The following PCCA variants were observed in gnomAD, a reference collection of about 807,000 sequenced individuals.
PCCA encodes the protein propionyl-CoA carboxylase subunit alpha.
A neutral mutation model predicts 101.3 loss-of-function variants in PCCA; 74 were observed. The observed-to-expected ratio is 0.73, with a 90% confidence interval of 0.61 to 0.89. PCCA has a LOEUF of 0.89. Ranked by LOEUF, PCCA falls within the 40% of genes least tolerant of loss-of-function variation. The pLI is 0.00. For missense variants in PCCA, 891 were observed against 907.0 expected, an observed-to-expected ratio of 0.98 and a Z score of 0.23; for synonymous variants, 294 against 313.6, an observed-to-expected ratio of 0.94 and a Z score of 0.66.
intron 18 of PCCA, among the ~76,000 whole-genome samples, chr13:100,340,967 G>A (rs1324981461): frequency 1.3e-5 from 2 of 152,154 alleles, no homozygotes; most frequent in African/African-American, 4.8e-5. Flanking sequence ...TGATGAACTA[G>A]CTTTGAAAAG....
chr13:100,398,828 G>GT (rs1289345207), intron 19 of PCCA, among the ~76,000 whole-genome samples: 2 of 151,908 alleles, frequency 1.3e-5, no homozygotes, highest in Non-Finnish European at 2.9e-5. Context: ...ATTACTTCCC[G>GT]TAAGCTCCAT....
intron 4 of PCCA, among the ~76,000 whole-genome samples, chr13:100,148,709 C>CA (rs978399736): frequency 1.3e-5 from 2 of 152,098 alleles, no homozygotes; most frequent in Non-Finnish European, 2.9e-5. Flanking sequence ...ACCCAAACAG[C>CA]AAAAAAACCC....
chr13:100,400,646 T>TTTTTTTTTG (rs2077298750), intron 19 of PCCA, among the ~76,000 whole-genome samples: 1 of 148,466 alleles, frequency 6.7e-6, no homozygotes, highest in African/African-American at 2.5e-5. Flanking sequence ...TTTTTTTTTT[T>TTTTTTTTTG]TGAGAGTTTT....
In PCCA at chr13:100,089,160, G is replaced by A. The variant is rs2046029191; in HGVS notation, c.40G>A (p.Ala14Thr). 1 of 1,527,398 alleles carries A rather than the reference G, an allele frequency of 6.5e-7. No homozygotes were observed. Among genetic ancestry groups the A allele is most frequent in the Non-Finnish European group, 8.8e-7 (1 of 1,138,936 alleles). 94.6% of individuals were successfully genotyped at this position (1,527,398 alleles called of 1,614,324 possible). Residue 14 changes from alanine (A) to threonine (T), a missense_variant, in exon 1 of 24, where the codon GCC becomes ACC. Physicochemically the swap from Ala to Thr is moderately conservative, Grantham distance 58. Transcript: ENST00000376285. ...FWVGTAPLVA[A>T]GRRGRWPPQQ... ...GGTCGGGACAGCACCGCTGGTCGCT[G>A]CCGGACGGCGTGGGCGGTGGCCGCC...
In PCCA at chr13:100,246,167, A is replaced by G. The variant is rs562316341; in HGVS notation, c.637+10289A>G. Among the ~76,000 whole-genome samples, 6 of 152,344 alleles carry G rather than the reference A, an allele frequency of 3.9e-5. No homozygotes were observed. The East Asian group carries it at 1.2e-3, about 29-fold the overall frequency. Reference sequence around the variant, plus strand: ...GCTTTTGGTTGACAATACTTACAACAGTTGGGGCAATGTCCTGAACTAGGG... The same window carrying G: ...GCTTTTGGTTGACAATACTTACAACGGTTGGGGCAATGTCCTGAACTAGGG... On this transcript the variant is annotated intron_variant, in intron 8 of 23. Transcript: ENST00000376285.
intron 2 of PCCA, among the ~76,000 whole-genome samples, chr13:100,106,171 G>A (rs1409417996): frequency 1.3e-5 from 2 of 152,078 alleles, no homozygotes; most frequent in Non-Finnish European, 2.9e-5. Context: ...CTTTCTTGCA[G>A]TCTTTTGGAG....
intron 7 of PCCA, among the ~76,000 whole-genome samples, chr13:100,231,136 C>T (rs7337835): frequency 0.015 from 2,327 of 152,316 alleles, 63 homozygotes; most frequent in African/African-American, 0.053. Context: ...AAAACTTGTA[C>T]ATAACATGCA....
chr13:100,382,965 A>C (rs899151638), intron 19 of PCCA, among the ~76,000 whole-genome samples: 47 of 152,114 alleles, frequency 3.1e-4, no homozygotes, highest in African/African-American at 1.1e-3. Context: ...AAGATGAAAG[A>C]AGTTCCTCTT....
At chr13:100,499,778 A>G (rs553485650) in intron 21 of PCCA, among the ~76,000 whole-genome samples, 1 of 152,384 alleles carries the variant, frequency 6.6e-6, no homozygotes, top group Admixed American at 6.5e-5. Flanking sequence ...TATATTTGAC[A>G]TTTTAAAAAG....
In PCCA at chr13:100,394,795, T is replaced by A. The variant is rs1036910510; in HGVS notation, c.1746+26221T>A. 6.6e-6 allele frequency among the ~76,000 whole-genome samples: 1 copy of A among 152,236 alleles called. No homozygotes were observed. Among genetic ancestry groups the A allele is most frequent in the Non-Finnish European group, 1.5e-5 (1 of 68,038 alleles). Reference sequence around the variant, plus strand: ...AATATGTCCTACTACTAATATTTTTTAAATTATCCCTAAACCTTCACATTT... The same window carrying A: ...AATATGTCCTACTACTAATATTTTTAAAATTATCCCTAAACCTTCACATTT... On this transcript the variant is annotated intron_variant, in intron 19 of 23. Transcript: ENST00000376285. This position sits in a 1 kb window ranked among gnomAD's most constrained non-coding sequence, Gnocchi z 4.3.
intron 6 of PCCA, among the ~76,000 whole-genome samples, chr13:100,163,292 G>A (rs1290380707): frequency 3.9e-5 from 6 of 152,266 alleles, no homozygotes; most frequent in African/African-American, 1.2e-4. Context: ...ACTGCCCTAT[G>A]TATCTATTAG....
At chr13:100,525,007 A>G (rs906455705) in intron 22 of PCCA, among the ~76,000 whole-genome samples, 6 of 152,036 alleles carry the variant, frequency 3.9e-5, no homozygotes, top group African/African-American at 7.3e-5. Context: ...ATAGATAGAT[A>G]GATAGATAGA....
chr13:100,474,377 CCTTAAGTTTATTG>C (rs2083253254), intron 21 of PCCA, among the ~76,000 whole-genome samples: 1 of 151,902 alleles, frequency 6.6e-6, no homozygotes, highest in Non-Finnish European at 1.5e-5. Flanking sequence ...GAAGCAAATT[CCTTAAGTTTATTG>C]CAACGTTGCT....
chr13:100,415,163 G>A (rs192294984), intron 19 of PCCA, among the ~76,000 whole-genome samples: 1 of 151,506 alleles, frequency 6.6e-6, no homozygotes, highest in African/African-American at 2.4e-5. Context: ...CAGCACTTTG[G>A]AAGGCTCAGG....
chr13:100,521,950 TC>T (rs1407592654), intron 22 of PCCA, among the ~76,000 whole-genome samples: 13 of 152,192 alleles, frequency 8.5e-5, no homozygotes, highest in Admixed American at 7.2e-4. Flanking sequence ...AAAAGAAGCC[TC>T]CTTTTTCCAT....
At chr13:100,315,278 T>A (rs999535590) in intron 16 of PCCA, among the ~76,000 whole-genome samples, 20 of 152,074 alleles carry the variant, frequency 1.3e-4, no homozygotes, top group African/African-American at 4.8e-4. Flanking sequence ...TTTCAAAATT[T>A]AAAAAATTTA....
chr13:100,293,289 T>G, intron 12 of PCCA: 1 of 471,148 alleles, frequency 2.1e-6, no homozygotes, highest in Non-Finnish European at 4.4e-6. Flanking sequence ...GTGAAGGCTA[T>G]ACACTCTAAT....
At chr13:100,150,521 C>T in intron 4 of PCCA, 1 of 1,367,204 alleles carries the variant, frequency 7.3e-7, no homozygotes, top group Non-Finnish European at 1.0e-6. Flanking sequence ...GCGCCTTCTC[C>T]AAGCTCCCCG....
intron 19 of PCCA, among the ~76,000 whole-genome samples, chr13:100,369,423 G>A (rs2075421929): frequency 6.6e-6 from 1 of 152,270 alleles, no homozygotes; most frequent in Admixed American, 6.5e-5. Flanking sequence ...CTTGAGAGGG[G>A]TACGGCAGTT....
Sources: allele counts gnomAD v4.1 joint callset (sites outside exome capture counted in the v4.1 genomes callset), GRCh38; gene constraint gnomAD v4.1.1; non-coding constraint Gnocchi (gnomAD v3.1); transcripts MANE v1.5; gene names NCBI Gene and HGNC (gene_info 2026-07-23, HGNC 2026-07-21).